The following SUZ12 variants were observed in gnomAD, a reference collection of about 807,000 sequenced individuals.
SUZ12 encodes the protein polycomb protein SUZ12.
A neutral mutation model predicts 87.3 loss-of-function variants in SUZ12; 17 were observed. That is an observed-to-expected ratio of 0.19 (90% confidence interval 0.13 to 0.29). The LOEUF (loss-of-function observed/expected upper bound fraction) is 0.29. SUZ12 is among the 10% of genes least tolerant of loss of function. The pLI is 1.00. For missense variants in SUZ12, 526 were observed against 912.2 expected (o/e 0.58, Z 5.45); for synonymous variants, 253 against 312.4 (o/e 0.81, Z 2.01).
intron 10 of SUZ12, among the ~76,000 whole-genome samples, chr17:31,989,569 T>C (rs1909594994): frequency 6.6e-6 from 1 of 151,334 alleles, no homozygotes; most frequent in Non-Finnish European, 1.5e-5. Context: ...TACAAAGAGC[T>C]TTGGAACTAA....
chr17:31,953,711 A>AT (rs756892113), intron 4 of SUZ12, among the ~76,000 whole-genome samples: 2,081 of 131,704 alleles, frequency 0.016, 50 homozygotes, highest in African/African-American at 0.04. Flanking sequence ...CCCAGCCTCA[A>AT]TTTTTTTTTT....
chr17:31,942,543 G>C (rs1196792779), intron 3 of SUZ12, among the ~76,000 whole-genome samples: 2 of 151,792 alleles, frequency 1.3e-5, no homozygotes, highest in East Asian at 2.0e-4. Context: ...TACCATTTTG[G>C]CCTGGCTGGT....
intron 3 of SUZ12, among the ~76,000 whole-genome samples, chr17:31,942,310 TTA>T (rs1333390070): frequency 6.6e-6 from 1 of 152,108 alleles, no homozygotes; most frequent in Admixed American, 6.6e-5. Flanking sequence ...AAGTCTCATT[TTA>T]TATCTTTGGT....
At chr17:31,988,597 C>A in intron 10 of SUZ12, 100 bp downstream of exon 10, 1 of 963,426 alleles carries the variant, frequency 1.0e-6, no homozygotes. Context: ...TGTGATTCTT[C>A]TTTTTTTTTT....
At chr17:31,979,819 A>C (rs149112777) in intron 8 of SUZ12, among the ~76,000 whole-genome samples, 1 of 152,174 alleles carries the variant, frequency 6.6e-6, no homozygotes, top group Admixed American at 6.6e-5. Flanking sequence ...TTTTCTTCCC[A>C]TAGCCTTTCA....
intron 9 of SUZ12, among the ~76,000 whole-genome samples, chr17:31,983,858 T>A (rs1403668925): frequency 6.6e-6 from 1 of 152,200 alleles, no homozygotes; most frequent in Non-Finnish European, 1.5e-5. Context: ...ATCTGCAGAA[T>A]TTAGATTAAG....
chr17:31,990,311 C>T (rs1274930246), intron 10 of SUZ12, among the ~76,000 whole-genome samples: 2 of 151,516 alleles, frequency 1.3e-5, no homozygotes, highest in Admixed American at 1.3e-4. Context: ...GGGGTTTCAC[C>T]GTGTTAGCCA....
At chr17:31,994,398 C>T in intron 12 of SUZ12, 166 bp from the exon 13 acceptor site, 8 of 521,662 alleles carry the variant, frequency 1.5e-5, no homozygotes, top group Non-Finnish European at 2.5e-5. Context: ...AAGATTTTAA[C>T]ACATTTTGTT....
Position 32,000,286 on chromosome 17 carries a change from C to T in SUZ12, c.*1283C>T. On this transcript the variant is annotated 3_prime_UTR_variant, in exon 16 of 16. Transcript: ENST00000322652. Reference sequence around the variant, plus strand: ...AATTTCATTCCACCACCATCAGATGCAGTTCCCTATTTTGTTTAATGAAGG... The same window carrying T: ...AATTTCATTCCACCACCATCAGATGTAGTTCCCTATTTTGTTTAATGAAGG... The T allele has an allele frequency of 4.3e-6, 1 of 232,930 alleles. No homozygotes were observed. Among genetic ancestry groups the T allele is most frequent in the Non-Finnish European group, 8.5e-6 (1 of 117,754 alleles). 14.4% of individuals were successfully genotyped at this position (232,930 alleles called of 1,614,324 possible).
intron 6 of SUZ12, 90 bp from the exon 7 acceptor site, chr17:31,975,392 G>T (rs548957): frequency 1.2e-6 from 1 of 868,552 alleles, no homozygotes; most frequent in Non-Finnish European, 1.7e-6. Context: ...CCTATCTCCC[G>T]TGTTTCCTAT....
intron 8 of SUZ12, among the ~76,000 whole-genome samples, chr17:31,978,894 T>C (rs964365553): frequency 7.3e-5 from 11 of 151,108 alleles, no homozygotes; most frequent in Non-Finnish European, 1.5e-4. Context: ...GATCACGAGG[T>C]CAAGAGATCG....
At position 32,001,030 on chromosome 17, in the gene SUZ12, T is replaced by C. The variant is rs1281970264; in HGVS notation, c.*2027T>C. On this transcript the variant is annotated 3_prime_UTR_variant, in exon 16 of 16. Coordinates refer to ENST00000322652, the MANE Select transcript of SUZ12 (RefSeq NM_015355.4). ...ATTTTGTACATAAAGTTCAATAATA[T>C]AAAAGCTGTATTCTGTTTTGGGGTT... 5.0e-6 allele frequency: 1 copy of C among 199,384 alleles called. No homozygotes were observed. Among genetic ancestry groups the C allele is most frequent in the Non-Finnish European group, 1.0e-5 (1 of 96,460 alleles). 12.4% of individuals were successfully genotyped at this position (199,384 alleles called of 1,614,324 possible).
chr17:31,953,795 C>T (rs1907128268), intron 4 of SUZ12, among the ~76,000 whole-genome samples: 1 of 149,682 alleles, frequency 6.7e-6, no homozygotes, highest in Non-Finnish European at 1.5e-5. Flanking sequence ...CTCACTGCAA[C>T]CTCTAACTCC....
At chr17:31,983,845 G>T (rs1002535914) in intron 9 of SUZ12, among the ~76,000 whole-genome samples, 1 of 152,136 alleles carries the variant, frequency 6.6e-6, no homozygotes, top group African/African-American at 2.4e-5. Context: ...CATTTATCAA[G>T]AAATCTGCAG....
intron 4 of SUZ12, among the ~76,000 whole-genome samples, chr17:31,958,681 A>G (rs964949455): frequency 2.6e-5 from 4 of 152,228 alleles, no homozygotes; most frequent in South Asian, 2.1e-4. Flanking sequence ...CCCCATCTCT[A>G]GTAAAAATAC....
At chr17:31,941,574 G>A (rs1906285879) in intron 3 of SUZ12, among the ~76,000 whole-genome samples, 1 of 138,622 alleles carries the variant, frequency 7.2e-6, no homozygotes, top group South Asian at 2.3e-4. Flanking sequence ...TTTTGAAACG[G>A]AGTCTCGCTC....
intron 15 of SUZ12, 53 bp from the exon 16 acceptor site, chr17:31,998,605 C>T: frequency 7.5e-7 from 1 of 1,325,292 alleles, no homozygotes. Context: ...ATCACTGTTG[C>T]ATTTGACAAA....
chr17:31,988,709 C>T (rs1219748695), intron 10 of SUZ12, among the ~76,000 whole-genome samples: 1 of 151,508 alleles, frequency 6.6e-6, no homozygotes, highest in Non-Finnish European at 1.5e-5. Context: ...TCTCCTGACT[C>T]AGCCTCCCGA....
chr17:31,993,075 A>T (rs1441852984), intron 10 of SUZ12, among the ~76,000 whole-genome samples, 167 bp from the exon 11 acceptor site: 1 of 152,268 alleles, frequency 6.6e-6, no homozygotes, highest in Non-Finnish European at 1.5e-5. Context: ...ATGCTGAATT[A>T]TGGGTATTTT....
Sources: allele counts gnomAD v4.1 joint callset (sites outside exome capture counted in the v4.1 genomes callset), GRCh38; gene constraint gnomAD v4.1.1; transcripts MANE v1.5; gene names NCBI Gene and HGNC (gene_info 2026-07-23, HGNC 2026-07-21).